The following AK9 variants were observed in gnomAD, a reference collection of about 807,000 sequenced individuals.
AK9 encodes adenylate kinase 9.
A neutral mutation model predicts 239.6 loss-of-function variants in AK9; 191 were observed. The ratio of observed to expected loss-of-function variants is 0.80; its 90% CI spans 0.71 to 0.90. The LOEUF is 0.90. AK9 is among the 40% of genes least tolerant of loss of function. The pLI is 0.00. For synonymous variants in AK9, 689 were observed against 721.0 expected, an observed-to-expected ratio of 0.96 and a Z score of 0.71; for missense variants, 1,995 against 2,214.7, an observed-to-expected ratio of 0.90 and a Z score of 1.99.
At position 109,506,327 on chromosome 6, in the gene AK9, C is replaced by T. The variant is rs963089296; in HGVS notation, c.4849G>A (p.Gly1617Arg). ...TCTACCTTAAAAAGTGCTATCTTAC[C>T]TGCTTTTATTCTTTCCAGGTATGTC... ...MQTYLERIKA[G>R]KAACIDKLCI... The change falls in exon 35 of 41, where the codon GGA becomes AGA. Residue 1617 changes from glycine to arginine, a missense_variant and splice_region_variant. Gly to Arg is a moderately radical substitution (Grantham distance 125). Transcript: ENST00000424296. 22 of 1,612,128 alleles carry T rather than the reference C, an allele frequency of 1.4e-5. No individual in the cohort carries two copies. The highest frequency in any genetic ancestry group is 1.1e-4 in the African/African-American group (8 of 74,852).
In AK9 at chr6:109,550,313, T is replaced by C. The variant is rs1256078188; in HGVS notation, c.2752-11A>G. On this transcript the variant is annotated splice_polypyrimidine_tract_variant and intron_variant, in intron 24 of 40. Transcript: ENST00000424296. ...CATTTTATCTTCACCCTAGAAACGGTATTCAAAGTTTGGAGAACATTAAAC... is the reference window on the plus strand; with the variant it reads ...CATTTTATCTTCACCCTAGAAACGGCATTCAAAGTTTGGAGAACATTAAAC... The C allele has an allele frequency of 1.1e-5, 18 of 1,595,254 alleles. No homozygotes were observed. Among genetic ancestry groups the C allele is most frequent in the Non-Finnish European group, 1.5e-5 (18 of 1,175,728 alleles).
At chr6:109,687,054 A>T (rs1356202233) in intron 1 of AK9, among the ~76,000 whole-genome samples, 2 of 152,228 alleles carry the variant, frequency 1.3e-5, no homozygotes, top group African/African-American at 2.4e-5. Context: ...AACAAAATTC[A>T]TGGATGAATC....
chr6:109,506,854 T>G, intron 33 of AK9, 54 bp from the exon 34 acceptor site: 2 of 1,444,784 alleles, frequency 1.4e-6, no homozygotes, highest in Non-Finnish European at 1.8e-6. Context: ...TCTCTCGTAC[T>G]TCCTTTCTGT....
chr6:109,601,267 G>A (rs907110448), intron 17 of AK9, among the ~76,000 whole-genome samples: 1 of 152,116 alleles, frequency 6.6e-6, no homozygotes, highest in African/African-American at 2.4e-5. Flanking sequence ...AGAGATTCTG[G>A]TATGTTGTGT....
intron 17 of AK9, among the ~76,000 whole-genome samples, chr6:109,601,811 T>C (rs1050315489): frequency 5.8e-4 from 82 of 142,292 alleles, no homozygotes; most frequent in Non-Finnish European, 3.2e-4. Flanking sequence ...TCTTGTTGAA[T>C]TGATCCCTTT....
At chr6:109,599,426 TG>T (rs768940602) in intron 17 of AK9, among the ~76,000 whole-genome samples, 1 of 152,230 alleles carries the variant, frequency 6.6e-6, no homozygotes, top group Non-Finnish European at 1.5e-5. Context: ...TCTGTTCCAT[TG>T]GTCTATGTAT....
chr6:109,644,562 T>C (rs754135997), intron 9 of AK9, 52 bp downstream of exon 9: 5 of 1,454,516 alleles, frequency 3.4e-6, no homozygotes, highest in African/African-American at 2.9e-5. Context: ...ATACTGTCAA[T>C]AGATTTAAAT....
chr6:109,569,638 T>C (rs529496399), intron 21 of AK9, among the ~76,000 whole-genome samples: 2 of 152,234 alleles, frequency 1.3e-5, no homozygotes, highest in East Asian at 3.9e-4. Context: ...CAGACACTTC[T>C]CAAAAGAAGA....
intron 20 of AK9, among the ~76,000 whole-genome samples, chr6:109,578,529 C>T (rs999541096): frequency 2.6e-5 from 4 of 151,478 alleles, no homozygotes; most frequent in African/African-American, 9.7e-5. Flanking sequence ...TTATTTAGTT[C>T]TGCTCTGATC....
At chr6:109,586,709 C>T (rs1334740811) in intron 17 of AK9, among the ~76,000 whole-genome samples, 3 of 152,092 alleles carry the variant, frequency 2.0e-5, no homozygotes, top group African/African-American at 7.2e-5. Flanking sequence ...CAGTAGGAAG[C>T]ATGGAGTCAA....
intron 8 of AK9, among the ~76,000 whole-genome samples, chr6:109,651,521 G>T (rs1209441836): frequency 6.6e-6 from 1 of 152,060 alleles, no homozygotes; most frequent in Non-Finnish European, 1.5e-5. Context: ...AGAGAAGCAA[G>T]AGCAAACAAA....
At chr6:109,632,271 G>T (rs1294973337) in intron 12 of AK9, 2 of 985,364 alleles carry the variant, frequency 2.0e-6, no homozygotes, top group African/African-American at 1.7e-5. Context: ...GGCCTGAATT[G>T]CTCTGTCTTT....
chr6:109,581,076 T>C (rs1459146761), intron 19 of AK9, among the ~76,000 whole-genome samples: 2 of 152,106 alleles, frequency 1.3e-5, no homozygotes, highest in East Asian at 1.9e-4. Flanking sequence ...CACATCTATA[T>C]AAGACGGTGA....
intron 5 of AK9, among the ~76,000 whole-genome samples, chr6:109,671,570 C>A (rs1770898651): frequency 6.6e-6 from 1 of 152,184 alleles, no homozygotes; most frequent in Non-Finnish European, 1.5e-5. Flanking sequence ...TTAATGCAGA[C>A]AACCCTAGCC....
intron 8 of AK9, among the ~76,000 whole-genome samples, chr6:109,654,394 C>T (rs530584447): frequency 7.2e-5 from 11 of 152,014 alleles, no homozygotes; most frequent in Non-Finnish European, 1.2e-4. Context: ...GTTGGAGGCA[C>T]AATCTCAGCT....
rs200804429 is a variant in AK9, at chr6:109,659,276, G to A, written c.582C>T (p.Asp194=). 2.7e-4 allele frequency: 436 copies of A among 1,597,536 alleles called. 1 individual carries two copies. The highest frequency in any genetic ancestry group is 5.8e-4 in the Admixed American group (33 of 56,804). The part of the protein sequence containing the change: ...HRKKKKEAQK[D]GKGEEEEEEE... Reference sequence around the variant, plus strand: ...CCTCTTCTTCCTCTTCTCCTTTTCCGTCCTTTTGGGCTTCTTTCTTCTTTT... The same window carrying A: ...CCTCTTCTTCCTCTTCTCCTTTTCCATCCTTTTGGGCTTCTTTCTTCTTTT... The change falls in exon 7 of 41, where the codon GAC becomes GAT. Residue 194 remains aspartate (D), a synonymous_variant. Coordinates refer to ENST00000424296, the MANE Select transcript of AK9 (RefSeq NM_001145128.3).
intron 27 of AK9, among the ~76,000 whole-genome samples, chr6:109,536,227 T>G (rs1158102624): frequency 6.6e-6 from 1 of 152,238 alleles, no homozygotes; most frequent in Non-Finnish European, 1.5e-5. Context: ...TATTGATTCT[T>G]CCTATCCATG....
chr6:109,614,614 G>GT (rs1417513635), intron 13 of AK9, 134 bp from the exon 14 acceptor site: 14 of 678,794 alleles, frequency 2.1e-5, no homozygotes, highest in African/African-American at 3.6e-5. Flanking sequence ...TAAGGGCTGT[G>GT]TGACTTTGGT....
At chr6:109,645,810 G>T (rs1338158949) in intron 8 of AK9, among the ~76,000 whole-genome samples, 1 of 152,194 alleles carries the variant, frequency 6.6e-6, no homozygotes, top group African/African-American at 2.4e-5. Context: ...CCCAGTAGGG[G>T]CTCACTGACA....
Sources: allele counts gnomAD v4.1 joint callset (sites outside exome capture counted in the v4.1 genomes callset), GRCh38; gene constraint gnomAD v4.1.1; transcripts MANE v1.5; gene names NCBI Gene and HGNC (gene_info 2026-07-23, HGNC 2026-07-21).